COL2A1: variants seen among roughly 807,000 people sequenced by gnomAD.
COL2A1 encodes the protein collagen type II alpha 1 chain, also known as collagen alpha-1(II) chain.
Under a neutral mutation model 204.5 loss-of-function variants are expected in COL2A1, and 28 were observed. The ratio of observed to expected loss-of-function variants is 0.14; its 90% CI spans 0.10 to 0.19. The LOEUF is 0.19. COL2A1 is among the 10% of genes least tolerant of loss of function. The pLI is 1.00. For synonymous variants in COL2A1, 708 were observed against 718.7 expected, an observed-to-expected ratio of 0.99 and a Z score of 0.24; for missense variants, 1,388 against 2,027.5, an observed-to-expected ratio of 0.68 and a Z score of 6.06.
chr12:47,981,391 T>C lies in COL2A1; in HGVS notation c.2415A>G (p.Glu805=), dbSNP rs772628060. 2 of 1,611,692 alleles carry C rather than the reference T, an allele frequency of 1.2e-6. No homozygotes were observed. The highest frequency in any genetic ancestry group is 1.7e-6 in the Non-Finnish European group (2 of 1,179,450). ...GPAGANGEKG[E]VGPPGPAGSA... ...TTCCTGCAGGACCAGGAGGTCCAAC[T>C]TCTCCCTGAGGGTGGGGAAGGGAGG... The change falls in exon 37 of 54, where the codon GAA becomes GAG. Residue 805 remains glutamate (E), a synonymous_variant. Coordinates refer to ENST00000380518, the MANE Select transcript of COL2A1 (RefSeq NM_001844.5).
In COL2A1 at chr12:47,976,841, T is replaced by C; in HGVS notation, c.3406A>G (p.Thr1136Ala). The change falls in exon 48 of 54, where the codon ACT becomes GCT. Residue 1136 changes from threonine (T) to alanine (A), a missense_variant. Coordinates refer to ENST00000380518, the MANE Select transcript of COL2A1 (RefSeq NM_001844.5). The surrounding 1 kb of genome is among the most constrained non-coding windows in gnomAD (Gnocchi z 4.3). ...ERGLKGHRGFTGLQGLPGPPG... is the reference protein window; with the variant it reads ...ERGLKGHRGFAGLQGLPGPPG... ...GGGCCGGGCAGACCCTGCAGACCAG[T>C]GAAGCCACGGTGTCCCTTCAGGCCT... The C allele has an allele frequency of 6.2e-7, 1 of 1,613,428 alleles. No homozygotes were observed. The highest frequency in any genetic ancestry group is 8.5e-7 in the Non-Finnish European group (1 of 1,179,816).
Position 48,000,018 on chromosome 12 carries a change from C to T in COL2A1, c.193G>A (p.Asp65Asn), listed in dbSNP as rs1940156255. The stretch of plus-strand genomic sequence containing the variant: ...TTCACGTCTTCACAGATTATGTCGT[C>T]GCAGAGGACAGTCCCAGTGTCACAG... ...CVCDTGTVLC[D>N]DIICEDVKDC... Residue 65 changes from aspartate to asparagine, a missense_variant, in exon 2 of 54, where the codon GAC (aspartate) becomes AAC (asparagine). Asp to Asn is a conservative substitution (Grantham distance 23). Transcript: ENST00000380518. 6 of 1,614,132 alleles carry T rather than the reference C, an allele frequency of 3.7e-6. No individual in the cohort carries two copies. The highest frequency in any genetic ancestry group is 2.2e-5 in the East Asian group (1 of 44,884).
intron 37 of COL2A1, 107 bp from the exon 38 acceptor site, chr12:47,981,075 A>C: frequency 8.3e-7 from 1 of 1,198,874 alleles, no homozygotes; most frequent in Non-Finnish European, 1.2e-6. Flanking sequence ...TTCCCCAGAG[A>C]CGGGGATCTG....
intron 40 of COL2A1, 21 bp from the exon 41 acceptor site, chr12:47,979,585 C>T: frequency 1.9e-6 from 3 of 1,609,740 alleles, no homozygotes; most frequent in African/African-American, 1.4e-5. Flanking sequence ...AGAGGAGAGC[C>T]CCTGAGAACC....
chr12:47,995,675 C>A, intron 10 of COL2A1, 35 bp downstream of exon 10: 1 of 1,604,656 alleles, frequency 6.2e-7, no homozygotes, highest in South Asian at 1.1e-5. Context: ...TTAGAGGCTC[C>A]CCCAGAGAAG....
In COL2A1 at chr12:47,980,628, G is replaced by C. The variant is rs776408221; in HGVS notation, c.2551C>G (p.Gln851Glu). The C allele has an allele frequency of 2.5e-6, 4 of 1,612,494 alleles. No homozygotes were observed. Among genetic ancestry groups the C allele is most frequent in the Non-Finnish European group, 3.4e-6 (4 of 1,179,552 alleles). ...ADGQPGAKGE[Q>E]GEAGQKGDAG... is the part of the protein sequence containing the mutation. ...TCGCCTTTCTGGCCGGCCTCTCCTTGCTCACCCTTGGCCCCAGGCTGGCCA... is the reference window on the plus strand; with the variant it reads ...TCGCCTTTCTGGCCGGCCTCTCCTTCCTCACCCTTGGCCCCAGGCTGGCCA... The change falls in exon 39 of 54, where the codon CAA (glutamine) becomes GAA (glutamate). Residue 851 changes from glutamine (Q) to glutamate (E), a missense_variant. By Grantham distance (29) the Gln-to-Glu change is conservative (BLOSUM62 2). This residue lies in a region of COL2A1 where 884 missense variants were observed against 1,415.8 expected (regional missense o/e 0.62). Coordinates refer to ENST00000380518, the MANE Select transcript of COL2A1 (RefSeq NM_001844.5). This position sits in a 1 kb window ranked among gnomAD's most constrained non-coding sequence, Gnocchi z 4.5.
chr12:47,979,909 G>A, intron 40 of COL2A1, 100 bp downstream of exon 40: 2 of 1,115,424 alleles, frequency 1.8e-6, no homozygotes, highest in Non-Finnish European at 2.6e-6. Context: ...GCAGGGCTGG[G>A]AAAACAGTCG....
intron 1 of COL2A1, among the ~76,000 whole-genome samples, chr12:48,003,674 T>C (rs537329810): frequency 1.3e-5 from 2 of 152,256 alleles, no homozygotes; most frequent in African/African-American, 4.8e-5. Context: ...CCGTTCTTTG[T>C]GGCCTGGGAT....
At chr12:47,984,505 C>A in intron 28 of COL2A1, 41 bp downstream of exon 28, 1 of 1,609,098 alleles carries the variant, frequency 6.2e-7, no homozygotes. Context: ...TGCAGATGCC[C>A]GGCCAACACC....
rs2136548310 is a variant in COL2A1, at chr12:47,982,432, A to G, written c.2301+70T>C. On this transcript the variant is annotated intron_variant, in intron 34 of 53. Transcript: ENST00000380518. Reference sequence around the variant, plus strand: ...ATCACCAGGTGCCATAAGGGAACGGAAGCGATCACAAGGGGCAGGAATGTG... The same window carrying G: ...ATCACCAGGTGCCATAAGGGAACGGGAGCGATCACAAGGGGCAGGAATGTG... 2.3e-6 allele frequency: 3 copies of G among 1,311,138 alleles called. No individual in the cohort carries two copies. In the South Asian group the frequency reaches 3.6e-5, roughly 16 times the overall value. The allele number at this position is 1,311,138 out of a possible 1,614,324, so 81.2% of individuals were successfully genotyped here. A position where few individuals can be genotyped will look rare whatever the true frequency, so the allele number is the denominator to read the frequency against.
chr12:48,001,908 TG>T (rs986694381), intron 1 of COL2A1, among the ~76,000 whole-genome samples: 108 of 152,248 alleles, frequency 7.1e-4, no homozygotes, highest in African/African-American at 2.5e-3. Flanking sequence ...TGATTCTTTG[TG>T]GCAAGCCAAT....
At chr12:48,000,475 C>A (rs1047974846) in intron 1 of COL2A1, among the ~76,000 whole-genome samples, 2 of 151,850 alleles carry the variant, frequency 1.3e-5, no homozygotes, top group Non-Finnish European at 1.5e-5. Context: ...GGAGGGTGAG[C>A]GGAAGGGAGG....
At position 47,995,325 on chromosome 12, in the gene COL2A1, A is replaced by G. The variant is rs754998463; in HGVS notation, c.709-17T>C. On this transcript the variant is annotated splice_polypyrimidine_tract_variant and intron_variant, in intron 10 of 53. Transcript: ENST00000380518. Reference sequence around the variant, plus strand: ...CATGGGACCCTACAAACAAAGGAAGATAGTTTAAGAGATGGTTATAGTGGG... The same window carrying G: ...CATGGGACCCTACAAACAAAGGAAGGTAGTTTAAGAGATGGTTATAGTGGG... 6.2e-7 allele frequency: 1 copy of G among 1,609,452 alleles called. No homozygotes were observed. The highest frequency in any genetic ancestry group is 1.1e-5 in the South Asian group (1 of 90,974).
chr12:47,987,610 C>G lies in COL2A1; in HGVS notation c.1221+1G>C. On this transcript the variant is annotated splice_donor_variant, in intron 19 of 53. Coordinates refer to ENST00000380518, the MANE Select transcript of COL2A1 (RefSeq NM_001844.5). LOFTEE classifies it high-confidence loss of function. The surrounding 1 kb of genome is among the most constrained non-coding windows in gnomAD (Gnocchi z 4.1). ...CCAGGCCAAAGAGAAGCTGCACTTA[C>G]GGAGGCACCAGCAGGCCCAGGGGAC... 6.2e-7 allele frequency: 1 copy of G among 1,611,020 alleles called. No individual in the cohort carries two copies. Among genetic ancestry groups the G allele is most frequent in the Non-Finnish European group, 8.5e-7 (1 of 1,178,442 alleles).
intron 1 of COL2A1, among the ~76,000 whole-genome samples, chr12:48,002,344 G>A (rs565783901): frequency 4.6e-5 from 7 of 152,282 alleles, no homozygotes; most frequent in African/African-American, 1.7e-4. Flanking sequence ...GGGTGTGGCC[G>A]AGCTCTAGGT....
chr12:47,987,522 G>A lies in COL2A1; in HGVS notation c.1221+89C>T. 1 of 1,244,458 alleles carries A rather than the reference G, an allele frequency of 8.0e-7. No homozygotes were observed. Among genetic ancestry groups the A allele is most frequent in the Non-Finnish European group, 1.2e-6 (1 of 867,034 alleles). 77.1% of individuals were successfully genotyped at this position (1,244,458 alleles called of 1,614,324 possible). On this transcript the variant is annotated intron_variant, in intron 19 of 53. Coordinates refer to ENST00000380518, the MANE Select transcript of COL2A1 (RefSeq NM_001844.5). This position sits in a 1 kb window ranked among gnomAD's most constrained non-coding sequence, Gnocchi z 4.1. ...CCAGAATGAAGGTTTGGTGGTTGGA[G>A]CCCACAACTGTCAGAGCAAAGTACA...
intron 40 of COL2A1, 72 bp from the exon 41 acceptor site, chr12:47,979,636 CG>C: frequency 1.5e-6 from 1 of 673,238 alleles, no homozygotes. Flanking sequence ...GGGCGGGGGG[CG>C]GGGGTGGTCT....
chr12:47,977,308 C>T lies in COL2A1; in HGVS notation c.3273+12G>A, dbSNP rs1296773048. ...AGGGGAAGGCGGCTTTTACTGAATT[C>T]AGGATACTTACAGCTTCTCCTCTGT... On this transcript the variant is annotated intron_variant, in intron 46 of 53. Coordinates refer to ENST00000380518, the MANE Select transcript of COL2A1 (RefSeq NM_001844.5). 5 of 1,609,574 alleles carry T rather than the reference C, an allele frequency of 3.1e-6. No individual in the cohort carries two copies. The highest frequency in any genetic ancestry group is 4.3e-6 in the Non-Finnish European group (5 of 1,175,804).
chr12:47,978,498 C>T lies in COL2A1; in HGVS notation c.2895+99G>A. On this transcript the variant is annotated intron_variant, in intron 42 of 53. Coordinates refer to ENST00000380518, the MANE Select transcript of COL2A1 (RefSeq NM_001844.5). This position sits in a 1 kb window ranked among gnomAD's most constrained non-coding sequence, Gnocchi z 5.5. ...GTGCAGCCCCGCTCCCTGGCATCCC[C>T]ACGGCCCCTGCTCCCTCCTACCCCA... 6.3e-7 allele frequency: 1 copy of T among 1,577,150 alleles called. No homozygotes were observed. The highest frequency in any genetic ancestry group is 1.4e-5 in the African/African-American group (1 of 74,026).
Sources: allele counts gnomAD v4.1 joint callset (sites outside exome capture counted in the v4.1 genomes callset), GRCh38; gene constraint gnomAD v4.1.1; regional missense constraint gnomAD v4.1.1; non-coding constraint Gnocchi (gnomAD v3.1); transcripts MANE v1.5; gene names NCBI Gene and HGNC (gene_info 2026-07-23, HGNC 2026-07-21).